PTPN9: variants seen among roughly 807,000 people sequenced by gnomAD.
PTPN9 encodes the protein tyrosine-protein phosphatase non-receptor type 9.
Under a neutral mutation model 69.8 loss-of-function variants are expected in PTPN9, and 26 were observed. The observed-to-expected ratio is 0.37, with a 90% CI of 0.27 to 0.52. The LOEUF (loss-of-function observed/expected upper bound fraction) is 0.52. Among genes scored for constraint, PTPN9 ranks in the 20% least tolerant of loss-of-function variants. The pLI is 0.91. For synonymous variants in PTPN9, 274 were observed against 272.5 expected (o/e 1.01, Z -0.05); for missense variants, 549 against 740.3 (o/e 0.74, Z 3.00).
intron 7 of PTPN9, among the ~76,000 whole-genome samples, chr15:75,495,977 A>C (rs535805545): frequency 4.6e-5 from 7 of 151,856 alleles, no homozygotes; most frequent in African/African-American, 1.7e-4. Flanking sequence ...ATCTCTACCA[A>C]AAATACAAAA....
intron 11 of PTPN9, 77 bp downstream of exon 11, chr15:75,470,603 T>C (rs771584338): frequency 3.4e-5 from 52 of 1,527,342 alleles, no homozygotes; most frequent in Middle Eastern, 1.7e-4. Context: ...TCCTACCTAT[T>C]CCCTCTGGAG....
intron 1 of PTPN9, among the ~76,000 whole-genome samples, chr15:75,550,558 T>C (rs1265107514): frequency 6.6e-6 from 1 of 151,086 alleles, no homozygotes; most frequent in East Asian, 2.0e-4. Context: ...GAGGCCGAGG[T>C]GGACGGATCA....
At chr15:75,540,348 T>A (rs1263252672) in intron 1 of PTPN9, among the ~76,000 whole-genome samples, 2 of 151,694 alleles carry the variant, frequency 1.3e-5, no homozygotes, top group Non-Finnish European at 2.9e-5. Context: ...ATCTCAAGAG[T>A]TCGAGACCAG....
At chr15:75,523,850 A>G (rs1247071537) in intron 3 of PTPN9, among the ~76,000 whole-genome samples, 2 of 152,178 alleles carry the variant, frequency 1.3e-5, no homozygotes, top group Admixed American at 6.6e-5. Flanking sequence ...TAGTAATTCA[A>G]TTGTTACTAA....
intron 1 of PTPN9, among the ~76,000 whole-genome samples, chr15:75,576,769 C>T (rs2075175717): frequency 6.6e-6 from 1 of 152,034 alleles, no homozygotes; most frequent in Non-Finnish European, 1.5e-5. Context: ...GATCAGGCCA[C>T]TGCACTCCAG....
intron 5 of PTPN9, among the ~76,000 whole-genome samples, chr15:75,516,621 GTA>G (rs1209970270): frequency 2.0e-5 from 3 of 151,012 alleles, no homozygotes; most frequent in African/African-American, 7.3e-5. Flanking sequence ...CTAAATTTAT[GTA>G]TGTTTCATAC....
At chr15:75,478,756 G>A (rs2074611254) in intron 9 of PTPN9, among the ~76,000 whole-genome samples, 2 of 152,222 alleles carry the variant, frequency 1.3e-5, no homozygotes. Context: ...ATTTCTCAAT[G>A]CATCATATCA....
At chr15:75,518,817 A>AG (rs199993688) in intron 4 of PTPN9, among the ~76,000 whole-genome samples, 1 of 118,538 alleles carries the variant, frequency 8.4e-6, no homozygotes, top group Non-Finnish European at 1.6e-5. Context: ...ACTCCATCTC[A>AG]GGGGAAAAAA....
chr15:75,530,580 C>A (rs1263736935), intron 1 of PTPN9, among the ~76,000 whole-genome samples: 26 of 59,296 alleles, frequency 4.4e-4, no homozygotes, highest in African/African-American at 2.7e-3. Context: ...TTATAATATA[C>A]TATAATATAT....
intron 1 of PTPN9, among the ~76,000 whole-genome samples, chr15:75,554,351 C>T (rs868683987): frequency 1.3e-5 from 2 of 151,900 alleles, no homozygotes; most frequent in African/African-American, 2.4e-5. Context: ...TGCACCACCA[C>T]GCCCGGCTAA....
At chr15:75,493,905 T>C (rs1185683232) in intron 7 of PTPN9, among the ~76,000 whole-genome samples, 2 of 152,128 alleles carry the variant, frequency 1.3e-5, no homozygotes, top group African/African-American at 4.8e-5. Flanking sequence ...GTCAAGCCCA[T>C]TTATTTCTGT....
At chr15:75,536,866 T>C (rs957630451) in intron 1 of PTPN9, among the ~76,000 whole-genome samples, 20 of 152,182 alleles carry the variant, frequency 1.3e-4, no homozygotes, top group Non-Finnish European at 2.6e-4. Context: ...GGGAGGTAAG[T>C]TCCCTGAAGA....
chr15:75,475,856 A>T (rs2074593056), intron 9 of PTPN9, among the ~76,000 whole-genome samples: 1 of 152,176 alleles, frequency 6.6e-6, no homozygotes, highest in Non-Finnish European at 1.5e-5. Context: ...ATGACGTATC[A>T]GGTGGGGTGC....
chr15:75,469,828 T>G lies in PTPN9; in HGVS notation c.1531A>C (p.Ile511Leu), dbSNP rs758775634. 1 of 1,613,442 alleles carries G rather than the reference T, an allele frequency of 6.2e-7. No homozygotes were observed. Among genetic ancestry groups the G allele is most frequent in the East Asian group, 2.2e-5 (1 of 44,884 alleles). ...ATGCCTGCACTGCAATGGACCACAATGGGTGGCTCAGGGCACTGCCCTTTG... is the reference window on the plus strand; with the variant it reads ...ATGCCTGCACTGCAATGGACCACAAGGGGTGGCTCAGGGCACTGCCCTTTG... ...RSKGQCPEPP[I>L]VVHCSAGIGR... The change falls in exon 12 of 13, where the codon ATT becomes CTT. Residue 511 changes from isoleucine (I) to leucine (L), a missense_variant. Coordinates refer to ENST00000618819, the MANE Select transcript of PTPN9 (RefSeq NM_002833.4).
chr15:75,487,571 A>T (rs1595950051), intron 8 of PTPN9: 1 of 152,150 alleles, frequency 6.6e-6, no homozygotes, highest in East Asian at 1.9e-4. Context: ...GGAGACAGGG[A>T]AGTCAACAAA....
At chr15:75,471,982 T>A (rs1300828017) in intron 10 of PTPN9, among the ~76,000 whole-genome samples, 1 of 151,986 alleles carries the variant, frequency 6.6e-6, no homozygotes, top group East Asian at 1.9e-4. Flanking sequence ...CACCCTCCAG[T>A]GGCCCCAAAG....
chr15:75,542,120 C>T (rs2075011517), intron 1 of PTPN9, among the ~76,000 whole-genome samples: 1 of 152,138 alleles, frequency 6.6e-6, no homozygotes, highest in Admixed American at 6.6e-5. Flanking sequence ...ATATTGGGAA[C>T]TCAGAACCAA....
chr15:75,573,521 A>G (rs1012646206), intron 1 of PTPN9, among the ~76,000 whole-genome samples: 3 of 152,248 alleles, frequency 2.0e-5, no homozygotes, highest in East Asian at 1.9e-4. Context: ...TTCAAAAACT[A>G]TATCAATGCA....
At chr15:75,470,531 GTGAGT>G (rs1378202237) in intron 11 of PTPN9, 144 bp downstream of exon 11, 1 of 939,430 alleles carries the variant, frequency 1.1e-6, no homozygotes, top group African/African-American at 1.7e-5. Flanking sequence ...TATATTGGCT[GTGAGT>G]TAAATATCCT....
Sources: allele counts gnomAD v4.1 joint callset (sites outside exome capture counted in the v4.1 genomes callset), GRCh38; gene constraint gnomAD v4.1.1; transcripts MANE v1.5; gene names NCBI Gene and HGNC (gene_info 2026-07-23, HGNC 2026-07-21).